TUNAR: variants seen among roughly 807,000 people sequenced by gnomAD.
TUNAR encodes protein TUNAR.
intron 2 of TUNAR, among the ~76,000 whole-genome samples, chr14:95,921,549 C>T (rs1205691785): frequency 1.3e-5 from 2 of 152,216 alleles, no homozygotes; most frequent in African/African-American, 4.8e-5. Context: ...TATTGCAATA[C>T]ATACCATGCA....
chr14:95,919,341 AAG>A (rs1889655284), intron 2 of TUNAR, among the ~76,000 whole-genome samples: 1 of 152,250 alleles, frequency 6.6e-6, no homozygotes, highest in Admixed American at 6.5e-5. Flanking sequence ...TTTACATTAA[AAG>A]AGAAAACTGT....
chr14:95,886,694 T>C (rs1214911286), intron 2 of TUNAR, among the ~76,000 whole-genome samples: 1 of 152,142 alleles, frequency 6.6e-6, no homozygotes, highest in Non-Finnish European at 1.5e-5. Context: ...GGTCAACAAA[T>C]TGAGGCCAAG....
At chr14:95,916,143 G>A (rs570489661) in intron 2 of TUNAR, among the ~76,000 whole-genome samples, 326 of 152,342 alleles carry the variant, frequency 2.1e-3, no homozygotes, top group Non-Finnish European at 3.7e-3. Context: ...TATTTAGAAT[G>A]TAAGTATAAA....
intron 2 of TUNAR, among the ~76,000 whole-genome samples, chr14:95,877,865 T>G (rs1481649208): frequency 2.0e-5 from 3 of 152,210 alleles, no homozygotes; most frequent in Non-Finnish European, 4.4e-5. Flanking sequence ...GTACTCTACT[T>G]TTTAGTTCAG....
chr14:95,907,070 T>C (rs1889437306), intron 2 of TUNAR, among the ~76,000 whole-genome samples: 1 of 152,220 alleles, frequency 6.6e-6, no homozygotes, highest in African/African-American at 2.4e-5. Flanking sequence ...TTTCACACTT[T>C]GCTTTTCTAA....
At chr14:95,912,339 ATTTCTTC>A (rs1383962695) in intron 2 of TUNAR, among the ~76,000 whole-genome samples, 2 of 152,136 alleles carry the variant, frequency 1.3e-5, no homozygotes, top group Non-Finnish European at 2.9e-5. Context: ...GGAAAAGCAA[ATTTCTTC>A]TTAAATTTAC....
intron 2 of TUNAR, among the ~76,000 whole-genome samples, chr14:95,901,189 G>C (rs531375164): frequency 1.3e-5 from 2 of 152,318 alleles, no homozygotes; most frequent in South Asian, 2.1e-4. Flanking sequence ...CTTTCTGACC[G>C]GCAGAGCTGA....
exon 2 of TUNAR, chr14:95,877,046 A>C (rs1335746726): frequency 1.3e-5 from 2 of 152,230 alleles, no homozygotes; most frequent in African/African-American, 2.4e-5. Context: ...AGAATGAGGC[A>C]GGAGCCGGCG....
chr14:95,907,250 G>T (rs2139665956), intron 2 of TUNAR, among the ~76,000 whole-genome samples: 1 of 152,312 alleles, frequency 6.6e-6, no homozygotes, highest in Non-Finnish European at 1.5e-5. Context: ...AAATGAGGCT[G>T]CAGTGGATGA....
intron 2 of TUNAR, among the ~76,000 whole-genome samples, chr14:95,881,735 G>A (rs530951735): frequency 1.3e-3 from 201 of 152,294 alleles, no homozygotes; most frequent in African/African-American, 4.5e-3. Context: ...GCTGTTCTTC[G>A]CTGTAAGTGT....
chr14:95,925,128 C>T (rs1261463838), exon 3 of TUNAR: 1 of 152,102 alleles, frequency 6.6e-6, no homozygotes, highest in African/African-American at 2.4e-5. Flanking sequence ...TACTTGGAGT[C>T]ATTGAATTCT....
chr14:95,913,043 G>A (rs1197530429), intron 2 of TUNAR, among the ~76,000 whole-genome samples: 2 of 151,696 alleles, frequency 1.3e-5, no homozygotes, highest in Non-Finnish European at 2.9e-5. Flanking sequence ...CGCCCGCCTC[G>A]GCCTCCCAAA....
intron 2 of TUNAR, among the ~76,000 whole-genome samples, chr14:95,914,919 C>T (rs928565934): frequency 2.6e-5 from 4 of 152,082 alleles, no homozygotes; most frequent in Non-Finnish European, 2.9e-5. Flanking sequence ...TTTCAAAAAC[C>T]GTGGTGCTCC....
intron 2 of TUNAR, among the ~76,000 whole-genome samples, chr14:95,903,914 G>C (rs1385845770): frequency 6.6e-6 from 1 of 152,200 alleles, no homozygotes; most frequent in African/African-American, 2.4e-5. Flanking sequence ...AGGGGAGTTG[G>C]ATACTGGCAT....
chr14:95,912,305 G>T (rs1889526358), intron 2 of TUNAR, among the ~76,000 whole-genome samples: 1 of 152,016 alleles, frequency 6.6e-6, no homozygotes, highest in Admixed American at 6.6e-5. Flanking sequence ...TTGAATTTAT[G>T]TGATCATTGA....
At chr14:95,884,507 T>G (rs1889038654) in intron 2 of TUNAR, among the ~76,000 whole-genome samples, 1 of 152,218 alleles carries the variant, frequency 6.6e-6, no homozygotes, top group Admixed American at 6.5e-5. Context: ...TAAACCCACT[T>G]GGGCAAATCT....
chr14:95,896,501 A>G (rs913712513), intron 2 of TUNAR, among the ~76,000 whole-genome samples: 3 of 152,196 alleles, frequency 2.0e-5, no homozygotes, highest in Non-Finnish European at 4.4e-5. Flanking sequence ...GACTTCCATG[A>G]AGGGACTGGG....
chr14:95,913,042 C>T (rs2139669249), intron 2 of TUNAR, among the ~76,000 whole-genome samples: 1 of 152,164 alleles, frequency 6.6e-6, no homozygotes. Context: ...CCGCCCGCCT[C>T]GGCCTCCCAA....
rs538314162 is a variant in TUNAR, at chr14:95,917,446, T to C, written c.13-5335T>C. Among the ~76,000 whole-genome samples the C allele has an allele frequency of 2.0e-5, 3 of 152,356 alleles. No individual in the cohort carries two copies. The South Asian group carries it at 6.2e-4, about 32-fold the overall frequency. On this transcript the variant is annotated intron_variant, in intron 2 of 2. Transcript: ENST00000678517. ...AGGCAGATCTCCCTACCTTATTCTT[T>C]AGTAAACATCTTGGCTGTTATTATC...
Sources: allele counts gnomAD v4.1 joint callset (sites outside exome capture counted in the v4.1 genomes callset), GRCh38; gene constraint gnomAD v4.1.1; transcripts MANE v1.5; gene names NCBI Gene and HGNC (gene_info 2026-07-23, HGNC 2026-07-21).